Variants in TENM3 observed in about 807,000 individuals in gnomAD.
TENM3 encodes teneurin transmembrane protein 3, also known as teneurin-3.
TENM3 carries 63 observed loss-of-function variants against 255.1 expected under a neutral mutation model. The observed-to-expected ratio is 0.25, with a 90% CI of 0.20 to 0.30. The LOEUF is 0.30. TENM3 is among the 10% of genes least tolerant of loss of function. The pLI is 1.00. For missense variants in TENM3, 2,929 were observed against 3,461.1 expected (o/e 0.85, Z 3.86); for synonymous variants, 1,306 against 1,322.3 (o/e 0.99, Z 0.27).
intron 1 of TENM3, among the ~76,000 whole-genome samples, chr4:182,166,649 T>C (rs1002828997): frequency 7.2e-5 from 11 of 152,216 alleles, no homozygotes; most frequent in Admixed American, 5.2e-4. Flanking sequence ...CTTTTTCTTT[T>C]GTGACAGAGT....
chr4:181,671,839 G>T, the TENM3 span, among the ~76,000 whole-genome samples: 5 of 151,794 alleles, frequency 3.3e-5, no homozygotes, highest in African/African-American at 1.2e-4. Context: ...CTTCTGATGC[G>T]CTCCAGTGTC....
At chr4:181,518,416 TGTTTG>T in the TENM3 span, among the ~76,000 whole-genome samples, 4,507 of 152,178 alleles carry the variant, frequency 0.03, 81 homozygotes, top group Non-Finnish European at 0.046. Flanking sequence ...TTGTTGTTGT[TGTTTG>T]GTTTGGTTTG....
chr4:181,559,864 G>A, the TENM3 span, among the ~76,000 whole-genome samples: 1 of 152,206 alleles, frequency 6.6e-6, no homozygotes, highest in Non-Finnish European at 1.5e-5. Context: ...AGGAGACATT[G>A]AGAAACCACA....
At chr4:182,355,358 G>A (rs1765449044) in intron 3 of TENM3, among the ~76,000 whole-genome samples, 1 of 152,148 alleles carries the variant, frequency 6.6e-6, no homozygotes, top group Non-Finnish European at 1.5e-5. Context: ...ACGTTTTCCT[G>A]CAGGTAATGG....
At chr4:182,422,029 T>C (rs867968901) in intron 3 of TENM3, among the ~76,000 whole-genome samples, 1 of 152,282 alleles carries the variant, frequency 6.6e-6, no homozygotes, top group Middle Eastern at 3.4e-3. Flanking sequence ...TGAGATAAAT[T>C]CTGAAATATT....
At chr4:182,170,269 T>A (rs949414476) in intron 1 of TENM3, among the ~76,000 whole-genome samples, 5 of 152,116 alleles carry the variant, frequency 3.3e-5, no homozygotes, top group African/African-American at 1.2e-4. Context: ...ACCTCTGAAC[T>A]GAAAATAAAT....
the TENM3 span, among the ~76,000 whole-genome samples, chr4:181,569,295 G>A: frequency 3.9e-5 from 6 of 152,146 alleles, no homozygotes; most frequent in Non-Finnish European, 2.9e-5. Context: ...TAAGCTTCTC[G>A]TTGATTTCAA....
At chr4:181,825,846 C>A in the TENM3 span, among the ~76,000 whole-genome samples, 1 of 152,130 alleles carries the variant, frequency 6.6e-6, no homozygotes, top group African/African-American at 2.4e-5. Flanking sequence ...CTTAAACAGA[C>A]TCAATGAAAA....
the TENM3 span, among the ~76,000 whole-genome samples, chr4:182,025,097 C>T: frequency 1.3e-5 from 2 of 148,404 alleles, no homozygotes; most frequent in Non-Finnish European, 2.9e-5. Flanking sequence ...GGCGCGACCT[C>T]GGCTCACTGC....
chr4:181,456,733 A>G, the TENM3 span, among the ~76,000 whole-genome samples: 1 of 152,094 alleles, frequency 6.6e-6, no homozygotes, highest in East Asian at 1.9e-4. Flanking sequence ...AAAACAGATT[A>G]TTAAAAATTT....
chr4:182,473,820 A>G (rs960491968), intron 3 of TENM3, among the ~76,000 whole-genome samples: 37 of 150,974 alleles, frequency 2.5e-4, no homozygotes, highest in Admixed American at 2.1e-3. Context: ...TTAGCAAGGT[A>G]TGTTGGCACC....
chr4:181,623,789 GA>G, the TENM3 span, among the ~76,000 whole-genome samples: 1 of 152,184 alleles, frequency 6.6e-6, no homozygotes, highest in Non-Finnish European at 1.5e-5. Flanking sequence ...TGATGGCTCT[GA>G]GCTATAGAAA....
At chr4:182,692,886 AAGATCAAGTCTC>A (rs1344417513) in intron 12 of TENM3, among the ~76,000 whole-genome samples, 1 of 152,122 alleles carries the variant, frequency 6.6e-6, no homozygotes, top group Admixed American at 6.6e-5. Context: ...GTTATCCTAA[AAGATCAAGTCTC>A]TTGTGTAGTA....
chr4:181,612,413 G>A, the TENM3 span, among the ~76,000 whole-genome samples: 2 of 151,960 alleles, frequency 1.3e-5, no homozygotes, highest in East Asian at 3.9e-4. Context: ...TACAGAACAT[G>A]GTAAGTTCAC....
intron 3 of TENM3, among the ~76,000 whole-genome samples, chr4:182,577,049 G>T (rs890785413): frequency 6.6e-6 from 1 of 152,074 alleles, no homozygotes; most frequent in Non-Finnish European, 1.5e-5. Flanking sequence ...CGGCAGCTTC[G>T]TGCTCCCTCT....
At chr4:182,347,988 G>C (rs930935822) in intron 3 of TENM3, among the ~76,000 whole-genome samples, 1 of 152,096 alleles carries the variant, frequency 6.6e-6, no homozygotes, top group Non-Finnish European at 1.5e-5. Flanking sequence ...ATAGGAAAGC[G>C]GATCTATTGT....
chr4:181,688,879 A>G, the TENM3 span, among the ~76,000 whole-genome samples: 1 of 152,142 alleles, frequency 6.6e-6, no homozygotes, highest in African/African-American at 2.4e-5. Flanking sequence ...TCTGTTTCCA[A>G]TTCACTTCTC....
At chr4:182,100,674 T>TATACAC in the TENM3 span, among the ~76,000 whole-genome samples, 250 of 88,832 alleles carry the variant, frequency 2.8e-3, 7 homozygotes, top group East Asian at 0.012. Context: ...TATACACATA[T>TATACAC]ATATACACAC....
At chr4:181,491,826 T>C in the TENM3 span, among the ~76,000 whole-genome samples, 11 of 152,272 alleles carry the variant, frequency 7.2e-5, no homozygotes, top group East Asian at 1.5e-3. Flanking sequence ...TATCTACTTA[T>C]GTAAATCACC....
Sources: allele counts gnomAD v4.1 joint callset (sites outside exome capture counted in the v4.1 genomes callset), GRCh38; gene constraint gnomAD v4.1.1; transcripts MANE v1.5; gene names NCBI Gene and HGNC (gene_info 2026-07-23, HGNC 2026-07-21).